The following CDKL5 variants were observed in gnomAD, a reference collection of about 807,000 sequenced individuals.
CDKL5 encodes cyclin dependent kinase like 5, also known as cyclin-dependent kinase-like 5.
Under a neutral mutation model 61.7 loss-of-function variants are expected in CDKL5, and 8 were observed. That is an observed-to-expected ratio of 0.13 (90% CI 0.08 to 0.23). The LOEUF (loss-of-function observed/expected upper bound fraction) is 0.23. Among genes scored for constraint, CDKL5 ranks in the 10% least tolerant of loss-of-function variants. CDKL5 has a pLI of 1.00. For missense variants in CDKL5, 440 were observed against 734.5 expected (o/e 0.60, Z 4.63); for synonymous variants, 275 against 272.3 (o/e 1.01, Z -0.10).
intron 1 of CDKL5, among the ~76,000 whole-genome samples, chrX:18,448,039 A>G (rs1395299419): frequency 9.0e-6 from 1 of 110,841 alleles, no homozygotes; most frequent in Non-Finnish European, 1.9e-5. Flanking sequence ...TGCATCAGCC[A>G]CCATGCCCGG....
At chrX:18,478,432 A>G (rs1157707028) in intron 1 of CDKL5, among the ~76,000 whole-genome samples, 2 of 106,963 alleles carry the variant, frequency 1.9e-5, no homozygotes, top group Non-Finnish European at 3.9e-5. Context: ...CTGGGATAAC[A>G]GGCATGCACC....
At position 18,633,727 on chromosome X, in the gene CDKL5, C is replaced by T. The variant is rs187588571; in HGVS notation, c.*4970C>T. On this transcript the variant is annotated 3_prime_UTR_variant, in exon 18 of 18. Coordinates refer to ENST00000623535, the MANE Select transcript of CDKL5 (RefSeq NM_001323289.2). ...TTTTTTTCTTTGTGAATTGAATGTACGATACAAATGGTAGGCCTTCATGTG... is the reference window on the plus strand; with the variant it reads ...TTTTTTTCTTTGTGAATTGAATGTATGATACAAATGGTAGGCCTTCATGTG... 150 of 751,175 alleles carry T rather than the reference C, an allele frequency of 2.0e-4. No homozygotes were observed. The African/African-American group carries it at 2.9e-3, about 14-fold the overall frequency. The allele number at this position is 751,175 out of a possible 1,213,427, so 61.9% of individuals were successfully genotyped here. A position where few individuals can be genotyped will look rare whatever the true frequency, so the allele number is the denominator to read the frequency against.
intron 17 of CDKL5, among the ~76,000 whole-genome samples, chrX:18,626,207 A>G (rs1216593548): frequency 1.8e-5 from 2 of 109,564 alleles, no homozygotes; most frequent in Non-Finnish European, 3.8e-5. Flanking sequence ...AGCTGTGACT[A>G]TAGGTGTGCA....
At chrX:18,582,228 A>AT (rs752456114) in intron 7 of CDKL5, among the ~76,000 whole-genome samples, 1 of 111,652 alleles carries the variant, frequency 9.0e-6, no homozygotes, top group Admixed American at 9.5e-5. Flanking sequence ...CTTCACAAAA[A>AT]TTTTTTTTGA....
chrX:18,619,105 A>C (rs1223030369), intron 15 of CDKL5, among the ~76,000 whole-genome samples: 1 of 109,525 alleles, frequency 9.1e-6, no homozygotes, highest in African/African-American at 3.3e-5. Context: ...AGTGGTATCA[A>C]GCTTAATGTC....
At chrX:18,554,173 G>A (rs1323353554) in intron 3 of CDKL5, among the ~76,000 whole-genome samples, 3 of 106,404 alleles carry the variant, frequency 2.8e-5, no homozygotes, top group East Asian at 2.9e-4. Flanking sequence ...CCATTAACTC[G>A]TCATTTACAT....
At chrX:18,601,272 G>C (rs762719412) in intron 11 of CDKL5, among the ~76,000 whole-genome samples, 2 of 112,028 alleles carry the variant, frequency 1.8e-5, no homozygotes, top group African/African-American at 6.5e-5. Flanking sequence ...TGGTGCATCA[G>C]CTGCCCCATA....
chrX:18,431,021 C>T (rs1045740365), intron 1 of CDKL5, among the ~76,000 whole-genome samples: 17 of 109,434 alleles, frequency 1.6e-4, no homozygotes, highest in Non-Finnish European at 2.5e-4. Context: ...GCCACCACGC[C>T]TGGCTAATTT....
intron 1 of CDKL5, among the ~76,000 whole-genome samples, chrX:18,435,821 C>T (rs1282342412): frequency 9.0e-6 from 1 of 111,262 alleles, no homozygotes; most frequent in Non-Finnish European, 1.9e-5. Context: ...CCCACCTTGG[C>T]CTCCCAAAGT....
intron 1 of CDKL5, among the ~76,000 whole-genome samples, chrX:18,445,366 C>T (rs1391898661): frequency 9.0e-6 from 1 of 111,655 alleles, no homozygotes; most frequent in Non-Finnish European, 1.9e-5. Context: ...GCATGAGCCA[C>T]CGCATCCAGC....
At chrX:18,484,787 C>T (rs1374627523) in intron 1 of CDKL5, among the ~76,000 whole-genome samples, 1 of 109,248 alleles carries the variant, frequency 9.2e-6, no homozygotes, top group Non-Finnish European at 1.9e-5. Context: ...CTTCCTCTGT[C>T]ATCCCGGCTA....
At position 18,592,236 on chromosome X, in the gene CDKL5, C is replaced by T. The variant is rs773680128; in HGVS notation, c.745-3112C>T. Among the ~76,000 whole-genome samples the T allele has an allele frequency of 5.4e-5, 6 of 112,127 alleles. No homozygotes were observed. In the South Asian group the frequency reaches 2.2e-3, roughly 41 times the overall value. Reference sequence around the variant, plus strand: ...TCCATGAAATAATTAGAAAACAATACAATTTATAAGAAAGCGTGGTATATA... The same window carrying T: ...TCCATGAAATAATTAGAAAACAATATAATTTATAAGAAAGCGTGGTATATA... On this transcript the variant is annotated intron_variant, in intron 9 of 17. Coordinates refer to ENST00000623535, the MANE Select transcript of CDKL5 (RefSeq NM_001323289.2).
chrX:18,453,924 A>C (rs920938471), intron 1 of CDKL5, among the ~76,000 whole-genome samples: 13 of 112,228 alleles, frequency 1.2e-4, no homozygotes, highest in Admixed American at 9.5e-5. Context: ...GAAAGAGGAA[A>C]GTAATGTAAT....
At chrX:18,550,659 A>G (rs937718918) in intron 3 of CDKL5, among the ~76,000 whole-genome samples, 8 of 112,406 alleles carry the variant, frequency 7.1e-5, no homozygotes, top group African/African-American at 1.3e-4. Flanking sequence ...TTTAAGTCCA[A>G]TGATTATCTG....
intron 3 of CDKL5, among the ~76,000 whole-genome samples, chrX:18,528,237 A>ATTTTTTTTTTT: frequency 1.5e-5 from 1 of 68,442 alleles, no homozygotes; most frequent in Non-Finnish European, 2.8e-5. Flanking sequence ...ACCCATACTC[A>ATTTTTTTTTTT]TTTTTTTTTT....
rs1461095654 is a variant in CDKL5, at chrX:18,630,526, G to A, written c.*1769G>A. 5 of 749,172 alleles carry A rather than the reference G, an allele frequency of 6.7e-6. No homozygotes were observed. Among genetic ancestry groups the A allele is most frequent in the East Asian group, 3.1e-4 (2 of 6,557 alleles). The allele number at this position is 749,172 out of a possible 1,213,427, so 61.7% of individuals were successfully genotyped here. A position where few individuals can be genotyped will look rare whatever the true frequency, so the allele number is the denominator to read the frequency against. On this transcript the variant is annotated 3_prime_UTR_variant, in exon 18 of 18. Coordinates refer to ENST00000623535, the MANE Select transcript of CDKL5 (RefSeq NM_001323289.2). ...GTGCTGTTACTGTTAACCCTCCCCC[G>A]AGATTTTGAGAATCATAGCTCTGAT...
intron 1 of CDKL5, among the ~76,000 whole-genome samples, chrX:18,464,185 CATTTTT>C (rs763090369): frequency 2.7e-5 from 3 of 109,848 alleles, no homozygotes; most frequent in South Asian, 7.7e-4. Context: ...ACTGATTTCT[CATTTTT>C]GTTTTTTTTT....
At chrX:18,642,099 T>TG (rs199469697), downstream of CDKL5, 1 of 1,211,329 alleles carries the variant, frequency 8.3e-7, no homozygotes, top group Non-Finnish European at 1.1e-6. Flanking sequence ...CGGGAGATGA[T>TG]GGGGGGCCGC....
chrX:18,445,837 A>G (rs1024899799), intron 1 of CDKL5, among the ~76,000 whole-genome samples: 8 of 111,076 alleles, frequency 7.2e-5, no homozygotes, highest in African/African-American at 2.6e-4. Flanking sequence ...AAATTACCCA[A>G]TCTTGGGTAG....
Sources: gnomAD v4.1 joint callset for allele counts (sites outside exome capture counted in the v4.1 genomes callset) on GRCh38, gnomAD v4.1.1 for gene constraint, MANE v1.5 for transcripts, NCBI Gene and HGNC (gene_info 2026-07-23, HGNC 2026-07-21) for gene names.